The following KIF26B variants were observed in gnomAD, a reference collection of about 807,000 sequenced individuals.
KIF26B encodes the protein kinesin family member 26B.
Under a neutral mutation model 151.2 loss-of-function variants are expected in KIF26B, and 63 were observed. The observed-to-expected ratio is 0.42, with a 90% CI of 0.34 to 0.51. The LOEUF (loss-of-function observed/expected upper bound fraction) is 0.51. Ranked by LOEUF, KIF26B falls within the 20% of genes least tolerant of loss-of-function variation. The pLI, the probability that KIF26B is intolerant of heterozygous loss-of-function variation, is 0.07. For synonymous variants in KIF26B, 1,357 were observed against 1,262.1 expected (o/e 1.08, Z -1.59); for missense variants, 2,813 against 2,913.6 (o/e 0.97, Z 0.79).
At chr1:245,471,377 A>T (rs1254961982) in intron 4 of KIF26B, among the ~76,000 whole-genome samples, 4 of 151,634 alleles carry the variant, frequency 2.6e-5, no homozygotes, top group Non-Finnish European at 5.9e-5. Flanking sequence ...CAGGTGATCC[A>T]CCCACCTCGG....
chr1:245,404,151 C>T (rs1282480193), intron 3 of KIF26B, among the ~76,000 whole-genome samples: 2 of 151,458 alleles, frequency 1.3e-5, no homozygotes, highest in African/African-American at 4.9e-5. Flanking sequence ...GTTGTTGCTG[C>T]TTTCTCTCAA....
At chr1:245,670,869 C>G (rs962653254) in intron 10 of KIF26B, among the ~76,000 whole-genome samples, 1 of 152,146 alleles carries the variant, frequency 6.6e-6, no homozygotes, top group African/African-American at 2.4e-5. Context: ...TTCAATTACA[C>G]TCTTTTAGGT....
intron 10 of KIF26B, among the ~76,000 whole-genome samples, chr1:245,653,328 C>T (rs1005868865): frequency 7.9e-5 from 12 of 152,176 alleles, no homozygotes; most frequent in African/African-American, 2.9e-4. Context: ...TGCTGGACCA[C>T]AGGGAGGAGG....
At chr1:245,269,621 C>T (rs1246975600) in intron 2 of KIF26B, among the ~76,000 whole-genome samples, 5 of 151,844 alleles carry the variant, frequency 3.3e-5, no homozygotes, top group South Asian at 2.1e-4. Flanking sequence ...CCTGCCACCA[C>T]GCCAAGCTAA....
Position 245,536,964 on chromosome 1 carries a change from C to A in KIF26B, c.1167-3803C>A, listed in dbSNP as rs1365004222. Among the ~76,000 whole-genome samples the A allele has an allele frequency of 2.0e-5, 3 of 152,182 alleles. No individual in the cohort carries two copies. The East Asian group carries it at 5.8e-4, about 29-fold the overall frequency. ...TCTACAGCATCACTTCCATTACATT[C>A]TGTTGGCCAGGGCAATTTCAGAGTT... is the stretch of plus-strand genomic sequence containing the variant. On this transcript the variant is annotated intron_variant, in intron 4 of 14. Coordinates refer to ENST00000407071, the MANE Select transcript of KIF26B (RefSeq NM_018012.4).
At chr1:245,365,406 GTAGT>G (rs1446023925) in intron 2 of KIF26B, among the ~76,000 whole-genome samples, 2 of 152,088 alleles carry the variant, frequency 1.3e-5, no homozygotes, top group Non-Finnish European at 2.9e-5. Context: ...GCTGTTCGGG[GTAGT>G]TAAACAGGGA....
intron 9 of KIF26B, among the ~76,000 whole-genome samples, chr1:245,636,445 A>G (rs924337405): frequency 7.2e-4 from 108 of 149,902 alleles, no homozygotes; most frequent in African/African-American, 2.4e-3. Context: ...TGGAGTACAC[A>G]TGATATTTTG....
chr1:245,636,441 A>G (rs1042923220), intron 9 of KIF26B, among the ~76,000 whole-genome samples: 3 of 151,808 alleles, frequency 2.0e-5, no homozygotes, highest in African/African-American at 7.3e-5. Flanking sequence ...TTTTTGGAGT[A>G]CACATGATAT....
rs773553213 is a variant in KIF26B, at chr1:245,688,194, ACTC to A, written c.5217_5219del (p.Leu1740del). 19 of 1,596,050 alleles carry A rather than the reference ACTC, an allele frequency of 1.2e-5. No homozygotes were observed. Among genetic ancestry groups the A allele is most frequent in the Non-Finnish European group, 1.4e-5 (17 of 1,177,760 alleles). ...AGTCCAAGATCTCCGCCGTGAGCAG[ACTC>A]CTCCTGGCCAGCCCCAGAGCGCGCG... On this transcript the variant is annotated inframe_deletion, in exon 12 of 15. Coordinates refer to ENST00000407071, the MANE Select transcript of KIF26B (RefSeq NM_018012.4).
In KIF26B at chr1:245,688,021, C is replaced by A; in HGVS notation, c.5038C>A (p.Leu1680Ile). The change falls in exon 12 of 15, where the codon CTC (leucine) becomes ATC (isoleucine). Residue 1680 changes from leucine to isoleucine, a missense_variant. Leu to Ile is a conservative substitution (Grantham distance 5). Coordinates refer to ENST00000407071, the MANE Select transcript of KIF26B (RefSeq NM_018012.4). ...GGCGACAGTCAGCCACTACGAATGC[C>A]TCTCCCTGGAGCGGGCCGAGAGCCT... ...GRATVSHYEC[L>I]SLERAESLSS... The A allele has an allele frequency of 6.4e-7, 1 of 1,561,620 alleles. No individual in the cohort carries two copies. Among genetic ancestry groups the A allele is most frequent in the South Asian group, 1.2e-5 (1 of 84,856 alleles).
chr1:245,593,226 G>T (rs955487301), intron 5 of KIF26B, among the ~76,000 whole-genome samples: 15 of 152,052 alleles, frequency 9.9e-5, no homozygotes, highest in Non-Finnish European at 1.8e-4. Flanking sequence ...GAATGTGCAG[G>T]TTTGTTACAT....
At position 245,155,538 on chromosome 1, in the gene KIF26B, G is replaced by A. The variant is rs942663733; in HGVS notation, c.63+51G>A. ...GACGCGTTACCAGACCCATCTCGGC[G>A]GAGGTCCCCCTTTCCCCGGGATCGT... On this transcript the variant is annotated intron_variant, in intron 1 of 14. Transcript: ENST00000407071. The A allele has an allele frequency of 1.7e-5, 25 of 1,482,534 alleles. No homozygotes were observed. The African/African-American group carries it at 3.3e-4, about 20-fold the overall frequency. 91.8% of individuals were successfully genotyped at this position (1,482,534 alleles called of 1,614,324 possible).
intron 10 of KIF26B, among the ~76,000 whole-genome samples, chr1:245,662,164 G>A (rs1364184820): frequency 6.8e-6 from 1 of 146,574 alleles, no homozygotes; most frequent in African/African-American, 2.5e-5. Context: ...TATACCCAAT[G>A]ACATAATACA....
intron 6 of KIF26B, among the ~76,000 whole-genome samples, chr1:245,605,260 G>A (rs2043438771): frequency 6.6e-6 from 1 of 152,172 alleles, no homozygotes; most frequent in Non-Finnish European, 1.5e-5. Context: ...TATTTTTACC[G>A]TTATCACTGC....
At chr1:245,699,248 T>C (rs1229126945) in intron 14 of KIF26B, among the ~76,000 whole-genome samples, 1 of 152,162 alleles carries the variant, frequency 6.6e-6, no homozygotes, top group Non-Finnish European at 1.5e-5. Flanking sequence ...TGGTGAATAT[T>C]GCTCTTGCAA....
chr1:245,496,947 A>G lies in KIF26B; in HGVS notation c.1167-43820A>G, dbSNP rs553288100. 2.0e-5 allele frequency among the ~76,000 whole-genome samples: 3 copies of G among 152,296 alleles called. No individual in the cohort carries two copies. In the East Asian group the frequency reaches 5.8e-4, roughly 29 times the overall value. On this transcript the variant is annotated intron_variant, in intron 4 of 14. Coordinates refer to ENST00000407071, the MANE Select transcript of KIF26B (RefSeq NM_018012.4). ...TTTCAAGAATCATCATGAAGTCAGG[A>G]GTTCAAGACCAGCCTGACCAACATG...
chr1:245,276,790 CTA>C (rs1309201638), intron 2 of KIF26B, among the ~76,000 whole-genome samples: 5 of 152,244 alleles, frequency 3.3e-5, no homozygotes, highest in African/African-American at 9.6e-5. Flanking sequence ...GGGAAGTAGT[CTA>C]TGTATTTTTG....
At chr1:245,493,686 T>C (rs1660453017) in intron 4 of KIF26B, among the ~76,000 whole-genome samples, 1 of 152,186 alleles carries the variant, frequency 6.6e-6, no homozygotes, top group African/African-American at 2.4e-5. Flanking sequence ...CAACCAGGTC[T>C]TGAGTGGCCA....
chr1:245,417,170 G>GT (rs969335579), intron 3 of KIF26B, among the ~76,000 whole-genome samples: 22 of 146,902 alleles, frequency 1.5e-4, no homozygotes, highest in Admixed American at 1.0e-3. Context: ...CATAATATTT[G>GT]TTTTTTTTTA....
Sources: gnomAD v4.1 joint callset for allele counts (sites outside exome capture counted in the v4.1 genomes callset) on GRCh38, gnomAD v4.1.1 for gene constraint, MANE v1.5 for transcripts, NCBI Gene and HGNC (gene_info 2026-07-23, HGNC 2026-07-21) for gene names.